The following LYPD4 variants were observed in gnomAD, a reference collection of about 807,000 sequenced individuals.
LYPD4 encodes ly6/PLAUR domain-containing protein 4.
In LYPD4, 20 loss-of-function variants were observed where a neutral mutation model predicts 18.2. The observed-to-expected ratio is 1.10, with a 90% confidence interval of 0.77 to 1.59. The LOEUF (loss-of-function observed/expected upper bound fraction) is 1.59. Ranked by LOEUF, LYPD4 falls within the 40% of genes most tolerant of loss-of-function variation. LYPD4 has a pLI of 0.00. For missense variants in LYPD4, 278 were observed against 300.3 expected, an observed-to-expected ratio of 0.93 and a Z score of 0.55; for synonymous variants, 111 against 118.3, an observed-to-expected ratio of 0.94 and a Z score of 0.40.
Position 41,837,174 on chromosome 19 carries a change from A to G in LYPD4, c.710T>C (p.Val237Ala). Residue 237 changes from valine (V) to alanine (A), a missense_variant, in exon 5 of 5, where the codon GTC becomes GCC. Coordinates refer to ENST00000609812, the MANE Select transcript of LYPD4 (RefSeq NM_173506.7). ...CCTGAAGGCAAACAGGAGGCCTAAGACGACACCCCAAGCAGGATCTTGCCT... is the reference window on the plus strand; with the variant it reads ...CCTGAAGGCAAACAGGAGGCCTAAGGCGACACCCCAAGCAGGATCTTGCCT... ...SSRQDPAWGV[V>A]LGLLFAFRD The G allele has an allele frequency of 1.2e-6, 2 of 1,614,026 alleles. No individual in the cohort carries two copies. The highest frequency in any genetic ancestry group is 1.7e-6 in the Non-Finnish European group (2 of 1,179,912).
rs1329686914 is a variant in LYPD4 at position 41,844,018 on chromosome 19, G to A, written c.-561C>T. 1 of 151,800 alleles carries A rather than the reference G, an allele frequency of 6.6e-6. No individual in the cohort carries two copies. The highest frequency in any genetic ancestry group is 6.6e-5 in the Admixed American group (1 of 15,180). The allele number at this position is 151,800 out of a possible 1,614,324, so 9.4% of individuals were successfully genotyped here. A position where few individuals can be genotyped will look rare whatever the true frequency, so the allele number is the denominator to read the frequency against. ...AATGGAACCTTGCAGGGAGAGAGAGGACCAGCAGAGAGAGGGAGGCGTAGG... is the reference window on the plus strand; with the variant it reads ...AATGGAACCTTGCAGGGAGAGAGAGAACCAGCAGAGAGAGGGAGGCGTAGG... On this transcript the variant is annotated 5_prime_UTR_variant, in exon 1 of 5. Transcript: ENST00000609812.
intron 1 of LYPD4, 134 bp from the exon 2 acceptor site, chr19:41,839,539 C>T: frequency 1.9e-6 from 1 of 518,792 alleles, no homozygotes; most frequent in South Asian, 2.5e-5. Context: ...CTTCTCAAAG[C>T]AGGACTCTCA....
At chr19:41,840,834 A>T (rs547706032) in intron 1 of LYPD4, among the ~76,000 whole-genome samples, 32 of 152,188 alleles carry the variant, frequency 2.1e-4, no homozygotes, top group Middle Eastern at 3.4e-3. Context: ...CGTCTCAAAA[A>T]AAAAAAAAAT....
At position 41,837,285 on chromosome 19, in the gene LYPD4, G is replaced by C; in HGVS notation, c.599C>G (p.Ala200Gly). Reference sequence around the variant, plus strand: ...GATGCTCCCAATATGATGAAAATCTGCTAAAAGCTGGTTATGTTCACGAGC... The same window carrying C: ...GATGCTCCCAATATGATGAAAATCTCCTAAAAGCTGGTTATGTTCACGAGC... The part of the protein sequence containing the change: ...GCAREHNQLL[A>G]DFHHIGSIKV... The change falls in exon 5 of 5, where the codon GCA becomes GGA. Residue 200 changes from alanine to glycine, a missense_variant. Coordinates refer to ENST00000609812, the MANE Select transcript of LYPD4 (RefSeq NM_173506.7). 1 of 1,614,052 alleles carries C rather than the reference G, an allele frequency of 6.2e-7. No homozygotes were observed. The highest frequency in any genetic ancestry group is 2.2e-5 in the East Asian group (1 of 44,874).
At chr19:41,840,409 T>C (rs1434706618) in intron 1 of LYPD4, among the ~76,000 whole-genome samples, 1 of 152,080 alleles carries the variant, frequency 6.6e-6, no homozygotes, top group Non-Finnish European at 1.5e-5. Context: ...CAAATGTCAA[T>C]TTCCTGCTCA....
Position 41,839,109 on chromosome 19 carries a change from C to T in LYPD4, c.68-85G>A, listed in dbSNP as rs924186944. 2.0e-5 allele frequency: 32 copies of T among 1,610,448 alleles called. 1 individual carries two copies. The highest frequency in any genetic ancestry group is 1.5e-4 in the South Asian group (14 of 90,900). On this transcript the variant is annotated intron_variant, in intron 2 of 4. Transcript: ENST00000609812. ...CTGCCAACCAAGAGTTCAGCCCCCA[C>T]AGGTCCTGTCCCCAGCGAAACCTAG...
chr19:41,840,317 C>T (rs1476838978), intron 1 of LYPD4, among the ~76,000 whole-genome samples: 1 of 152,100 alleles, frequency 6.6e-6, no homozygotes, highest in Non-Finnish European at 1.5e-5. Flanking sequence ...GTCCCAGCTA[C>T]TTGGGAGGCT....
At position 41,844,454 on chromosome 19, in the gene LYPD4, CA is replaced by C. The variant is rs2073770143; in HGVS notation, c.-998del. On this transcript the variant is annotated 5_prime_UTR_variant, in exon 1 of 5. Coordinates refer to ENST00000609812, the MANE Select transcript of LYPD4 (RefSeq NM_173506.7). Reference sequence around the variant, plus strand: ...ACCGACACAAAGACAAGAAGAGACACAAGGAAAGGGGTGCAATCTGAGGAAG... The same window carrying C: ...ACCGACACAAAGACAAGAAGAGACACAGGAAAGGGGTGCAATCTGAGGAAG... 1 of 152,278 alleles carries C rather than the reference CA, an allele frequency of 6.6e-6. No homozygotes were observed. Among genetic ancestry groups the C allele is most frequent in the Admixed American group, 6.5e-5 (1 of 15,268 alleles). The allele number at this position is 152,278 out of a possible 1,614,324, so 9.4% of individuals were successfully genotyped here.
chr19:41,836,997 C>G, downstream of LYPD4: 2 of 1,439,156 alleles, frequency 1.4e-6, no homozygotes, highest in Non-Finnish European at 9.2e-7. Context: ...CTTCCTGGGT[C>G]CCCACCTCCC....
At chr19:41,842,020 AC>A (rs1555833651) in intron 1 of LYPD4, among the ~76,000 whole-genome samples, 2 of 152,118 alleles carry the variant, frequency 1.3e-5, no homozygotes, top group African/African-American at 4.8e-5. Flanking sequence ...AAAAATGTCC[AC>A]CTTCATCTAC....
intron 3 of LYPD4, 76 bp from the exon 4 acceptor site, chr19:41,838,337 T>G: frequency 7.8e-7 from 1 of 1,284,798 alleles, no homozygotes; most frequent in Non-Finnish European, 1.0e-6. Flanking sequence ...CCCCAGCTCT[T>G]TCTGCACCCA....
rs906663642 is a variant in LYPD4 at position 41,844,348 on chromosome 19, G to C, written c.-891C>G. On this transcript the variant is annotated 5_prime_UTR_variant, in exon 1 of 5. Coordinates refer to ENST00000609812, the MANE Select transcript of LYPD4 (RefSeq NM_173506.7). ...AGCCGGGAAGGGGCCAGGCTATCAG[G>C]GCATGAAGCACGGGAGAAAATGGGT... 5 of 152,290 alleles carry C rather than the reference G, an allele frequency of 3.3e-5. No homozygotes were observed. Among genetic ancestry groups the C allele is most frequent in the African/African-American group, 1.2e-4 (5 of 41,536 alleles). The allele number at this position is 152,290 out of a possible 1,614,324, so 9.4% of individuals were successfully genotyped here.
chr19:41,837,832 C>G, intron 4 of LYPD4, 103 bp downstream of exon 4: 1 of 1,269,066 alleles, frequency 7.9e-7, no homozygotes, highest in East Asian at 2.5e-5. Context: ...CTTGCAACCC[C>G]AATCCCATCT....
chr19:41,837,715 T>A (rs970892106), intron 4 of LYPD4, among the ~76,000 whole-genome samples: 5 of 147,368 alleles, frequency 3.4e-5, no homozygotes, highest in Non-Finnish European at 6.0e-5. Flanking sequence ...AAAAGGCCCC[T>A]GCCTTCTCCC....
At position 41,841,665 on chromosome 19, in the gene LYPD4, CAA is replaced by C. The variant is rs587607752; in HGVS notation, c.-121+1911_-121+1912del. On this transcript the variant is annotated intron_variant, in intron 1 of 4. Coordinates refer to ENST00000609812, the MANE Select transcript of LYPD4 (RefSeq NM_173506.7). ...TGGGCAATAGAACAAGACCCTGTCTCAAAAAAAAAAAAAAAAAAAAAGTGAAG... is the reference window on the plus strand; with the variant it reads ...TGGGCAATAGAACAAGACCCTGTCTCAAAAAAAAAAAAAAAAAAAGTGAAG... Among the ~76,000 whole-genome samples the C allele has an allele frequency of 8.5e-3, 727 of 85,546 alleles. 2 individuals are homozygous for C. The highest frequency in any genetic ancestry group is 0.026 in the African/African-American group (509 of 19,450). 56.1% of individuals were successfully genotyped at this position (85,546 alleles called of 152,430 possible). A position where few individuals can be genotyped will look rare whatever the true frequency, so the allele number is the denominator to read the frequency against.
chr19:41,839,547 T>C, intron 1 of LYPD4, 142 bp from the exon 2 acceptor site: 1 of 509,432 alleles, frequency 2.0e-6, no homozygotes, highest in Non-Finnish European at 3.5e-6. Context: ...AGCAGGACTC[T>C]CACTCTCCCA....
chr19:41,839,034 G>C lies in LYPD4; in HGVS notation c.68-10C>G. 6.2e-7 allele frequency: 1 copy of C among 1,613,016 alleles called. No individual in the cohort carries two copies. The highest frequency in any genetic ancestry group is 1.1e-5 in the South Asian group (1 of 91,022). On this transcript the variant is annotated splice_polypyrimidine_tract_variant and intron_variant, in intron 2 of 4. Transcript: ENST00000609812. ...AAAAGAGCTCCAGCCCCTAAAAAGA[G>C]AATGCTCTCCCAGTCATTGGCCCCT...
Position 41,838,273 on chromosome 19 carries a change from A to C in LYPD4, c.212-12T>G. The stretch of plus-strand genomic sequence containing the variant: ...TCCCCTTGCAGTCCCTGAGGAGCAG[A>C]GGATTGAGAGAGCTCAGATCAGTGT... On this transcript the variant is annotated splice_polypyrimidine_tract_variant and intron_variant, in intron 3 of 4. Transcript: ENST00000609812. 6.6e-7 allele frequency: 1 copy of C among 1,515,068 alleles called. No homozygotes were observed. The highest frequency in any genetic ancestry group is 8.8e-7 in the Non-Finnish European group (1 of 1,132,184). The allele number at this position is 1,515,068 out of a possible 1,614,324, so 93.9% of individuals were successfully genotyped here. A position where few individuals can be genotyped will look rare whatever the true frequency, so the allele number is the denominator to read the frequency against.
chr19:41,844,339 G>A lies in LYPD4; in HGVS notation c.-882C>T, dbSNP rs1351462674. 1 of 152,300 alleles carries A rather than the reference G, an allele frequency of 6.6e-6. No individual in the cohort carries two copies. Among genetic ancestry groups the A allele is most frequent in the African/African-American group, 2.4e-5 (1 of 41,456 alleles). The allele number at this position is 152,300 out of a possible 1,614,324, so 9.4% of individuals were successfully genotyped here. A position where few individuals can be genotyped will look rare whatever the true frequency, so the allele number is the denominator to read the frequency against. On this transcript the variant is annotated 5_prime_UTR_variant, in exon 1 of 5. Coordinates refer to ENST00000609812, the MANE Select transcript of LYPD4 (RefSeq NM_173506.7). Reference sequence around the variant, plus strand: ...AGCGAAGGAAGCCGGGAAGGGGCCAGGCTATCAGGGCATGAAGCACGGGAG... The same window carrying A: ...AGCGAAGGAAGCCGGGAAGGGGCCAAGCTATCAGGGCATGAAGCACGGGAG...
Sources: allele counts gnomAD v4.1 joint callset (sites outside exome capture counted in the v4.1 genomes callset), GRCh38; gene constraint gnomAD v4.1.1; transcripts MANE v1.5; gene names NCBI Gene and HGNC (gene_info 2026-07-23, HGNC 2026-07-21).